ZNF808: variants seen among roughly 807,000 people sequenced by gnomAD.
ZNF808 encodes the protein zinc finger protein 808.
ZNF808 carries 5 observed loss-of-function variants against 8.7 expected under a neutral mutation model. The ratio of observed to expected loss-of-function variants is 0.58; its 90% CI spans 0.30 to 1.21. ZNF808 has a LOEUF of 1.21. Among genes scored for constraint, ZNF808 ranks in the 50% most tolerant of loss-of-function variants. ZNF808 has a pLI of 0.07. For missense variants in ZNF808, 1,103 were observed against 1,098.4 expected (o/e 1.00, Z -0.06); for synonymous variants, 380 against 366.0 (o/e 1.04, Z -0.44).
At chr19:52,560,989 A>G (rs912078619), downstream of ZNF808, among the ~76,000 whole-genome samples, 11 of 152,098 alleles carry the variant, frequency 7.2e-5, no homozygotes, top group East Asian at 9.7e-4. Context: ...TCAAGACCTT[A>G]TTCATCCACT....
intron 1 of ZNF808, among the ~76,000 whole-genome samples, chr19:52,528,701 C>T (rs532806469): frequency 6.6e-6 from 1 of 151,624 alleles, no homozygotes; most frequent in South Asian, 2.1e-4. Context: ...CAAGGAGAAC[C>T]GAGGGAGAAA....
chr19:52,548,100 C>G (rs947492474), intron 4 of ZNF808, among the ~76,000 whole-genome samples: 2 of 152,108 alleles, frequency 1.3e-5, no homozygotes, highest in African/African-American at 4.8e-5. Context: ...CAACGTTCAT[C>G]CCATAAACTA....
downstream of ZNF808, among the ~76,000 whole-genome samples, chr19:52,558,931 G>C (rs1042675706): frequency 6.6e-6 from 1 of 152,214 alleles, no homozygotes; most frequent in Non-Finnish European, 1.5e-5. Flanking sequence ...AAGACAGCGT[G>C]CTTGTTAAAA....
rs1321821548 is a variant in ZNF808, at chr19:52,554,983, G to A, written c.2067G>A (p.Val689=). The A allele has an allele frequency of 3.1e-6, 5 of 1,614,080 alleles. No homozygotes were observed. Among genetic ancestry groups the A allele is most frequent in the Admixed American group, 1.7e-5 (1 of 59,996 alleles). The change falls in exon 5 of 5, where the codon GTG becomes GTA. Residue 689 remains valine, a synonymous_variant. Coordinates refer to ENST00000359798, the MANE Select transcript of ZNF808 (RefSeq NM_001039886.4). Reference sequence around the variant, plus strand: ...GTAAGGTTTGTGACAAGGCTTTCGTGTGTCGTTCCTATGTGGCAAAACATA... The same window carrying A: ...GTAAGGTTTGTGACAAGGCTTTCGTATGTCGTTCCTATGTGGCAAAACATA... ...YKCKVCDKAF[V]CRSYVAKHTR...
chr19:52,558,829 C>T (rs141870914), downstream of ZNF808, among the ~76,000 whole-genome samples: 1,039 of 152,314 alleles, frequency 6.8e-3, 8 homozygotes, highest in African/African-American at 0.022. Context: ...ACCCTAGCCC[C>T]AACCCTGTGC....
downstream of ZNF808, among the ~76,000 whole-genome samples, chr19:52,557,461 T>C (rs968898660): frequency 1.5e-4 from 23 of 151,926 alleles, no homozygotes; most frequent in Non-Finnish European, 2.2e-4. Context: ...AGAGACAGGG[T>C]TTTACCATGT....
intron 2 of ZNF808, among the ~76,000 whole-genome samples, chr19:52,537,451 C>T (rs929569935): frequency 1.3e-5 from 2 of 152,142 alleles, no homozygotes; most frequent in African/African-American, 4.8e-5. Flanking sequence ...CTTTAGGAGA[C>T]TGAGGCAGAG....
At chr19:52,561,212 C>CTCTCTA (rs1568495016), downstream of ZNF808, among the ~76,000 whole-genome samples, 15 of 40,036 alleles carry the variant, frequency 3.7e-4, no homozygotes, top group Admixed American at 3.5e-4. Flanking sequence ...CTCTCTCTCT[C>CTCTCTA]TATATATATA....
chr19:52,540,259 C>T lies in ZNF808; in HGVS notation c.-19-3007C>T, dbSNP rs142424063. Among the ~76,000 whole-genome samples, 1,157 of 152,210 alleles carry T rather than the reference C, an allele frequency of 7.6e-3. 15 individuals carry two copies. The highest frequency in any genetic ancestry group is 0.026 in the African/African-American group (1,092 of 41,538). On this transcript the variant is annotated intron_variant, in intron 2 of 4. Coordinates refer to ENST00000359798, the MANE Select transcript of ZNF808 (RefSeq NM_001039886.4). The stretch of plus-strand genomic sequence containing the variant: ...ACCCCTAACATTGTGGTCTTCCTGC[C>T]CCGGCCTCCCAAAGTGCTGGGATTA...
At chr19:52,567,458 G>T (rs1472739906), downstream of ZNF808, among the ~76,000 whole-genome samples, 1 of 146,502 alleles carries the variant, frequency 6.8e-6, no homozygotes, top group Non-Finnish European at 1.5e-5. Context: ...TCTCGCTCAG[G>T]CTTGAGACAC....
At chr19:52,568,201 G>A (rs373133674), downstream of ZNF808, among the ~76,000 whole-genome samples, 74 of 152,208 alleles carry the variant, frequency 4.9e-4, no homozygotes, top group East Asian at 3.3e-3. Context: ...GGGAAACCCC[G>A]TCTCTACTGA....
chr19:52,546,943 C>CTTTT lies in ZNF808; in HGVS notation c.64-549_64-546dup, dbSNP rs1172936091. 8.9e-4 allele frequency among the ~76,000 whole-genome samples: 70 copies of CTTTT among 78,440 alleles called. 2 individuals are homozygous for CTTTT. The highest frequency in any genetic ancestry group is 2.1e-3 in the African/African-American group (41 of 19,822). The allele number at this position is 78,440 out of a possible 152,430, so 51.5% of individuals were successfully genotyped here. ...AGGCGAGAGCCATTGCCTGGAATTG[C>CTTTT]TTTTTTTTTTTTTTTTTTTTTTTAG... On this transcript the variant is annotated intron_variant, in intron 3 of 4. Transcript: ENST00000359798.
intron 3 of ZNF808, 62 bp from the exon 4 acceptor site, chr19:52,547,450 T>G: frequency 6.2e-7 from 1 of 1,606,544 alleles, no homozygotes; most frequent in Non-Finnish European, 8.5e-7. Context: ...TTTTCTCATT[T>G]CCTGTGAAGG....
chr19:52,563,894 G>C (rs2059865669), exon 4 of ZNF808: 1 of 276,726 alleles, frequency 3.6e-6, no homozygotes, highest in Non-Finnish European at 6.9e-6. Context: ...TACTCAAGAG[G>C]CTGAGGCAGA....
intron 3 of ZNF808, among the ~76,000 whole-genome samples, chr19:52,562,141 G>A (rs995734344): frequency 6.6e-6 from 1 of 152,140 alleles, no homozygotes; most frequent in Non-Finnish European, 1.5e-5. Flanking sequence ...ACTTTGGGAG[G>A]CTGAGACTGG....
chr19:52,557,476 C>G (rs1254632302), downstream of ZNF808, among the ~76,000 whole-genome samples: 1 of 152,036 alleles, frequency 6.6e-6, no homozygotes, highest in Non-Finnish European at 1.5e-5. Flanking sequence ...CCATGTGGGC[C>G]AAGCTGGTCT....
downstream of ZNF808, among the ~76,000 whole-genome samples, chr19:52,557,939 G>A (rs1198786817): frequency 4.7e-5 from 7 of 149,436 alleles, no homozygotes; most frequent in Non-Finnish European, 1.0e-4. Context: ...GCGATGAGGG[G>A]CTTCACCAGA....
downstream of ZNF808, among the ~76,000 whole-genome samples, chr19:52,561,303 A>G (rs776130709): frequency 1.4e-4 from 21 of 151,370 alleles, no homozygotes; most frequent in Non-Finnish European, 2.1e-4. Context: ...TTTGTTACAC[A>G]TGTATACATG....
At chr19:52,548,845 C>T (rs1195498159) in intron 4 of ZNF808, among the ~76,000 whole-genome samples, 2 of 152,066 alleles carry the variant, frequency 1.3e-5, no homozygotes, top group African/African-American at 2.4e-5. Flanking sequence ...AGGCTGGGTG[C>T]GGTGGCTCAC....
Sources: allele counts gnomAD v4.1 joint callset (sites outside exome capture counted in the v4.1 genomes callset), GRCh38; gene constraint gnomAD v4.1.1; transcripts MANE v1.5; gene names NCBI Gene and HGNC (gene_info 2026-07-23, HGNC 2026-07-21).